GLIS3: variants seen among roughly 807,000 people sequenced by gnomAD.
GLIS3 encodes zinc finger protein GLIS3.
Under a neutral mutation model 78.6 loss-of-function variants are expected in GLIS3, and 53 were observed. That is an observed-to-expected ratio of 0.67 (90% CI 0.54 to 0.85). The LOEUF is 0.85. Among genes scored for constraint, GLIS3 ranks in the 40% least tolerant of loss-of-function variants. GLIS3 has a pLI of 0.00. For missense variants in GLIS3, 1,703 were observed against 1,231.1 expected (o/e 1.38, Z -5.74); for synonymous variants, 684 against 509.9 (o/e 1.34, Z -4.60).
intron 6 of GLIS3, among the ~76,000 whole-genome samples, chr9:3,929,343 T>C (rs1825466897): frequency 1.3e-5 from 2 of 152,196 alleles, no homozygotes; most frequent in South Asian, 2.1e-4. Flanking sequence ...GAAGAGTTTT[T>C]TTTTCTTCTT....
intron 4 of GLIS3, chr9:4,054,495 C>T (rs575359215): frequency 1.5e-4 from 145 of 985,264 alleles, no homozygotes; most frequent in Non-Finnish European, 1.7e-4. Context: ...ACGGGTTCTG[C>T]AGGTACAGAA....
chr9:4,465,524 G>A, the GLIS3 span, among the ~76,000 whole-genome samples: 1 of 152,116 alleles, frequency 6.6e-6, no homozygotes, highest in African/African-American at 2.4e-5. Context: ...ACTCCGGCCT[G>A]GGCGACAGAG....
intron 4 of GLIS3, among the ~76,000 whole-genome samples, chr9:3,951,881 C>CACAA (rs1554654448): frequency 2.0e-5 from 3 of 150,498 alleles, no homozygotes; most frequent in African/African-American, 7.4e-5. Flanking sequence ...CACACACACA[C>CACAA]ACACGCACGC....
At chr9:4,134,979 T>C (rs1015580821) in intron 2 of GLIS3, among the ~76,000 whole-genome samples, 1 of 152,146 alleles carries the variant, frequency 6.6e-6, no homozygotes, top group Non-Finnish European at 1.5e-5. Flanking sequence ...GCAGGTCCAC[T>C]GGACTCTCAC....
chr9:4,002,837 T>G (rs1821221238), intron 4 of GLIS3, among the ~76,000 whole-genome samples: 1 of 152,210 alleles, frequency 6.6e-6, no homozygotes, highest in African/African-American at 2.4e-5. Flanking sequence ...TTACCATTTC[T>G]CTGTCTTCCT....
chr9:4,390,008 C>G, the GLIS3 span, among the ~76,000 whole-genome samples: 1 of 152,202 alleles, frequency 6.6e-6, no homozygotes, highest in Non-Finnish European at 1.5e-5. Context: ...TTCATTCCAT[C>G]AACACTTCCT....
intron 2 of GLIS3, among the ~76,000 whole-genome samples, chr9:4,226,980 C>G (rs1318806180): frequency 1.3e-5 from 2 of 152,154 alleles, no homozygotes; most frequent in African/African-American, 4.8e-5. Flanking sequence ...AGAGATAAAT[C>G]TGGTGAGAAC....
the GLIS3 span, among the ~76,000 whole-genome samples, chr9:4,414,853 G>A: frequency 6.6e-6 from 1 of 151,630 alleles, no homozygotes; most frequent in African/African-American, 2.4e-5. Context: ...TGTCTTCACC[G>A]AGAATCCTGT....
At chr9:4,101,065 G>A (rs1830334361) in intron 4 of GLIS3, among the ~76,000 whole-genome samples, 1 of 152,166 alleles carries the variant, frequency 6.6e-6, no homozygotes, top group Admixed American at 6.5e-5. Flanking sequence ...GGAAGGCTGC[G>A]GTGGAACAGA....
chr9:4,378,173 A>G, the GLIS3 span, among the ~76,000 whole-genome samples: 1 of 152,174 alleles, frequency 6.6e-6, no homozygotes, highest in Non-Finnish European at 1.5e-5. Context: ...TATGAAAGTA[A>G]TTTTAATGAG....
In GLIS3 at chr9:3,960,271, C is replaced by T. The variant is rs191161180; in HGVS notation, c.1711-23082G>A. On this transcript the variant is annotated intron_variant, in intron 4 of 10. Transcript: ENST00000381971. ...GAGAGAAGAGCCTGGGGAGCAGATC[C>T]TCTTCTCACAGCCCTCAGAAGGATC... is the stretch of plus-strand genomic sequence containing the variant. Among the ~76,000 whole-genome samples the T allele has an allele frequency of 1.3e-3, 202 of 152,288 alleles. 1 individual carries two copies. The highest frequency in any genetic ancestry group is 4.5e-3 in the African/African-American group (185 of 41,566).
At chr9:4,036,818 A>G (rs986861015) in intron 4 of GLIS3, among the ~76,000 whole-genome samples, 1 of 152,144 alleles carries the variant, frequency 6.6e-6, no homozygotes, top group Non-Finnish European at 1.5e-5. Context: ...CGTTTGGAGG[A>G]CTCATTCTTG....
chr9:4,233,764 T>C (rs1317519411), intron 2 of GLIS3, among the ~76,000 whole-genome samples: 1 of 152,248 alleles, frequency 6.6e-6, no homozygotes, highest in Non-Finnish European at 1.5e-5. Context: ...TCTGTAGCTA[T>C]GAAAGTCCTA....
At chr9:3,876,965 T>G (rs1377761557) in intron 8 of GLIS3, among the ~76,000 whole-genome samples, 1 of 152,068 alleles carries the variant, frequency 6.6e-6, no homozygotes, top group African/African-American at 2.4e-5. Flanking sequence ...GATATTGTTG[T>G]CTTTGACTCT....
At chr9:4,366,456 A>G in the GLIS3 span, among the ~76,000 whole-genome samples, 2 of 152,162 alleles carry the variant, frequency 1.3e-5, no homozygotes, top group African/African-American at 4.8e-5. Context: ...TGGCTTGACT[A>G]GATTTTTCCC....
At chr9:4,133,139 T>C (rs1833099712) in intron 2 of GLIS3, among the ~76,000 whole-genome samples, 2 of 152,234 alleles carry the variant, frequency 1.3e-5, no homozygotes, top group Admixed American at 1.3e-4. Context: ...TAACCATCTC[T>C]ATATATAAAC....
chr9:4,176,204 T>A (rs1399038256), intron 2 of GLIS3, among the ~76,000 whole-genome samples: 2 of 152,140 alleles, frequency 1.3e-5, no homozygotes. Context: ...AGAAAAAAAC[T>A]CATTTCTCCC....
intron 3 of GLIS3, among the ~76,000 whole-genome samples, chr9:4,123,007 G>C (rs990224094): frequency 5.3e-5 from 8 of 152,102 alleles, no homozygotes; most frequent in African/African-American, 1.9e-4. Context: ...CCTTAAGGCA[G>C]GATTCTTATT....
intron 2 of GLIS3, among the ~76,000 whole-genome samples, chr9:4,218,627 G>A (rs751016123): frequency 6.6e-6 from 1 of 152,112 alleles, no homozygotes; most frequent in Non-Finnish European, 1.5e-5. Context: ...TGTCCAATCT[G>A]GTAGATACCA....
Sources: gnomAD v4.1 joint callset for allele counts (sites outside exome capture counted in the v4.1 genomes callset) on GRCh38, gnomAD v4.1.1 for gene constraint, MANE v1.5 for transcripts, NCBI Gene and HGNC (gene_info 2026-07-23, HGNC 2026-07-21) for gene names.